The following GALNT18 variants were observed in gnomAD, a reference collection of about 807,000 sequenced individuals.
The protein encoded by GALNT18 is GalNAc-transferase 18.
A neutral mutation model predicts 69.5 loss-of-function variants in GALNT18; 44 were observed. The ratio of observed to expected loss-of-function variants is 0.63; its 90% CI spans 0.50 to 0.81. The LOEUF (loss-of-function observed/expected upper bound fraction) is 0.81. Ranked by LOEUF, GALNT18 falls within the 40% of genes least tolerant of loss-of-function variation. The pLI is 0.00. For missense variants in GALNT18, 715 were observed against 810.0 expected, an observed-to-expected ratio of 0.88 and a Z score of 1.42; for synonymous variants, 364 against 318.2, an observed-to-expected ratio of 1.14 and a Z score of -1.53.
At chr11:11,283,868 AAG>A (rs1280002499) in intron 10 of GALNT18, among the ~76,000 whole-genome samples, 1 of 152,194 alleles carries the variant, frequency 6.6e-6, no homozygotes, top group Admixed American at 6.5e-5. Flanking sequence ...CATCAGCTAA[AAG>A]AAAAAAATCA....
At chr11:11,473,470 T>C (rs192284234) in intron 1 of GALNT18, among the ~76,000 whole-genome samples, 68 of 152,200 alleles carry the variant, frequency 4.5e-4, no homozygotes, top group Non-Finnish European at 6.8e-4. Flanking sequence ...CAAGATCCGA[T>C]TAATGCTGTA....
At position 11,394,789 on chromosome 11, in the gene GALNT18, G is replaced by T. The variant is rs770695469; in HGVS notation, c.596-15525C>A. On this transcript the variant is annotated intron_variant, in intron 3 of 10. Coordinates refer to ENST00000227756, the MANE Select transcript of GALNT18 (RefSeq NM_198516.3). ...CAGGCGGGGTCTGGTCCTCTGCCCT[G>T]ATTCTTGATCCCTTCCTGACTACAT... is the stretch of plus-strand genomic sequence containing the variant. Among the ~76,000 whole-genome samples the T allele has an allele frequency of 1.4e-4, 21 of 152,292 alleles. No individual in the cohort carries two copies. In the Middle Eastern group the frequency reaches 0.017, roughly 123 times the overall value.
At chr11:11,321,139 A>C (rs985145926) in intron 9 of GALNT18, among the ~76,000 whole-genome samples, 1 of 152,220 alleles carries the variant, frequency 6.6e-6, no homozygotes, top group Admixed American at 6.5e-5. Flanking sequence ...TGAATTTCAA[A>C]ACAAAGGAAT....
At chr11:11,569,023 G>A (rs923383970) in intron 1 of GALNT18, among the ~76,000 whole-genome samples, 2 of 152,130 alleles carry the variant, frequency 1.3e-5, no homozygotes, top group Admixed American at 1.3e-4. Context: ...TTCCAGATCT[G>A]ACACATGCTG....
In GALNT18 at chr11:11,309,602, T is replaced by C. The variant is rs1447523941; in HGVS notation, c.1513-16409A>G. 6.6e-6 allele frequency among the ~76,000 whole-genome samples: 1 copy of C among 152,152 alleles called. No homozygotes were observed. The highest frequency in any genetic ancestry group is 2.4e-5 in the African/African-American group (1 of 41,440). ...TTCTCCACACCTGTTCCCTGGAGGC[T>C]AGCACCACCAGAGAAAATTCATGGA... On this transcript the variant is annotated intron_variant, in intron 9 of 10. Coordinates refer to ENST00000227756, the MANE Select transcript of GALNT18 (RefSeq NM_198516.3). The surrounding 1 kb of genome is among the most constrained non-coding windows in gnomAD (Gnocchi z 4.6).
intron 6 of GALNT18, among the ~76,000 whole-genome samples, chr11:11,369,568 C>G (rs1850849272): frequency 6.6e-6 from 1 of 152,290 alleles, no homozygotes; most frequent in Middle Eastern, 3.4e-3. Context: ...AGATCACATT[C>G]ACAAGAGGTT....
In GALNT18 at chr11:11,444,340, T is replaced by C. The variant is rs1306685210; in HGVS notation, c.428+4404A>G. On this transcript the variant is annotated intron_variant, in intron 2 of 10. Coordinates refer to ENST00000227756, the MANE Select transcript of GALNT18 (RefSeq NM_198516.3). This position sits in a 1 kb window ranked among gnomAD's most constrained non-coding sequence, Gnocchi z 4.4. ...CCAGGCCACTGCCTTACTAAAAGCC[T>C]GCGAGGACAAGTCCTCCCCGCCACG... Among the ~76,000 whole-genome samples, 2 of 152,182 alleles carry C rather than the reference T, an allele frequency of 1.3e-5. No homozygotes were observed. The highest frequency in any genetic ancestry group is 2.9e-5 in the Non-Finnish European group (2 of 68,042).
In GALNT18 at chr11:11,533,260, A is replaced by G. The variant is rs148542102; in HGVS notation, c.236-84324T>C. ...GCTTGTTTCATCCTCAGGGCGCCCT[A>G]TTAGTGATCTGTCATCACCTGCAGG... On this transcript the variant is annotated intron_variant, in intron 1 of 10. Transcript: ENST00000227756. Among the ~76,000 whole-genome samples the G allele has an allele frequency of 2.7e-3, 415 of 152,270 alleles. 2 individuals carry two copies. The highest frequency in any genetic ancestry group is 4.4e-3 in the Non-Finnish European group (298 of 68,026).
chr11:11,384,558 T>C (rs1452128803), intron 3 of GALNT18, among the ~76,000 whole-genome samples: 1 of 152,208 alleles, frequency 6.6e-6, no homozygotes, highest in Non-Finnish European at 1.5e-5. Context: ...GTTTTCACAC[T>C]GGTAATACCT....
rs549790190 is a variant in GALNT18 at position 11,430,445 on chromosome 11, G to A, written c.595+2176C>T. 9.2e-5 allele frequency among the ~76,000 whole-genome samples: 14 copies of A among 152,304 alleles called. No individual in the cohort carries two copies. The highest frequency in any genetic ancestry group is 7.8e-4 in the Admixed American group (12 of 15,310). On this transcript the variant is annotated intron_variant, in intron 3 of 10. Transcript: ENST00000227756. This position sits in a 1 kb window ranked among gnomAD's most constrained non-coding sequence, Gnocchi z 4.9. The stretch of plus-strand genomic sequence containing the variant: ...TGGTTTGGGTGTGCATATACAGCTC[G>A]ATGCAGTTGTGATGACAAGTACAGC...
chr11:11,297,341 A>T (rs1822738536), intron 9 of GALNT18, among the ~76,000 whole-genome samples: 1 of 152,220 alleles, frequency 6.6e-6, no homozygotes, highest in South Asian at 2.1e-4. Context: ...GCAATAACTC[A>T]TGAGGCAGGT....
chr11:11,327,585 T>A (rs181710693), intron 8 of GALNT18, among the ~76,000 whole-genome samples: 16 of 152,190 alleles, frequency 1.1e-4, no homozygotes, highest in Admixed American at 9.2e-4. Flanking sequence ...GCCTCAGAGG[T>A]CCCCTGGGAC....
intron 1 of GALNT18, among the ~76,000 whole-genome samples, chr11:11,498,499 T>G (rs935770064): frequency 6.6e-6 from 1 of 152,224 alleles, no homozygotes; most frequent in African/African-American, 2.4e-5. Context: ...AATTTGTGAC[T>G]TGGTTAAGAA....
Position 11,595,860 on chromosome 11 carries a change from A to C in GALNT18, c.235+25499T>G, listed in dbSNP as rs1257697912. On this transcript the variant is annotated intron_variant, in intron 1 of 10. Coordinates refer to ENST00000227756, the MANE Select transcript of GALNT18 (RefSeq NM_198516.3). The surrounding 1 kb of genome is among the most constrained non-coding windows in gnomAD (Gnocchi z 5.2). ...ATCATTTCAAGAGAATACTCGTTGA[A>C]TAGTATTCTTTGATATACAAAGTTT... Among the ~76,000 whole-genome samples the C allele has an allele frequency of 6.6e-6, 1 of 152,190 alleles. No individual in the cohort carries two copies. Among genetic ancestry groups the C allele is most frequent in the Non-Finnish European group, 1.5e-5 (1 of 68,036 alleles).
chr11:11,443,166 C>T (rs1489059506), intron 2 of GALNT18, among the ~76,000 whole-genome samples: 2 of 152,164 alleles, frequency 1.3e-5, no homozygotes, highest in African/African-American at 4.8e-5. Flanking sequence ...CATGTTCCAC[C>T]TGCCTGGCCC....
chr11:11,336,670 G>A (rs1211249484), intron 7 of GALNT18, among the ~76,000 whole-genome samples: 2 of 152,128 alleles, frequency 1.3e-5, no homozygotes, highest in African/African-American at 4.8e-5. Flanking sequence ...CAGAGGCAGG[G>A]GGTAAACCTC....
At chr11:11,475,752 A>C (rs1564968014) in intron 1 of GALNT18, 1 of 152,204 alleles carries the variant, frequency 6.6e-6, no homozygotes, top group Non-Finnish European at 1.5e-5. Flanking sequence ...TGCCCCTAGA[A>C]TCCCCCACCC....
chr11:11,369,892 T>C (rs1850858235), intron 6 of GALNT18, among the ~76,000 whole-genome samples: 1 of 152,196 alleles, frequency 6.6e-6, no homozygotes, highest in Admixed American at 6.5e-5. Context: ...AGAAGATAAT[T>C]ACTGCATGGC....
intron 9 of GALNT18, among the ~76,000 whole-genome samples, chr11:11,311,692 C>A (rs1386430947): frequency 6.6e-6 from 1 of 152,126 alleles, no homozygotes; most frequent in Admixed American, 6.5e-5. Context: ...GGGCTGGCTT[C>A]TATCCCAGTA....
Sources: allele counts gnomAD v4.1 joint callset (sites outside exome capture counted in the v4.1 genomes callset), GRCh38; gene constraint gnomAD v4.1.1; non-coding constraint Gnocchi (gnomAD v3.1); transcripts MANE v1.5; gene names NCBI Gene and HGNC (gene_info 2026-07-23, HGNC 2026-07-21).